GLS: variants seen among roughly 807,000 people sequenced by gnomAD.
GLS encodes glutaminase kidney isoform, mitochondrial.
GLS carries 36 observed loss-of-function variants against 86.7 expected under a neutral mutation model. The observed-to-expected ratio is 0.42, with a 90% CI of 0.32 to 0.55. GLS has a LOEUF of 0.55. Among genes scored for constraint, GLS ranks in the 20% least tolerant of loss-of-function variants. The probability of loss-of-function intolerance (pLI) is 0.17; values close to 1 mark genes in which losing one functional copy is unlikely to be tolerated. For missense variants in GLS, 528 were observed against 833.4 expected (o/e 0.63, Z 4.51); for synonymous variants, 317 against 305.9 (o/e 1.04, Z -0.38).
rs1266334560 is a variant in GLS, at chr2:190,895,031, A to G, written c.387-121A>G. ...GTAAATCAACATTTATTATGACTGT[A>G]GTCTTGAGTATATGAGCTCAGCTGT... On this transcript the variant is annotated intron_variant, in intron 1 of 17. Transcript: ENST00000320717. This position sits in a 1 kb window ranked among gnomAD's most constrained non-coding sequence, Gnocchi z 4.2. 1.3e-5 allele frequency: 7 copies of G among 519,844 alleles called. No homozygotes were observed. The highest frequency in any genetic ancestry group is 2.5e-5 in the Non-Finnish European group (7 of 281,454). 32.2% of individuals were successfully genotyped at this position (519,844 alleles called of 1,614,324 possible). A position where few individuals can be genotyped will look rare whatever the true frequency, so the allele number is the denominator to read the frequency against.
At position 190,953,948 on chromosome 2, in the gene GLS, A is replaced by ATGTGTGTG. The variant is rs1491250812; in HGVS notation, c.1712+323_1712+324insGTGTGTGT. Among the ~76,000 whole-genome samples the ATGTGTGTG allele has an allele frequency of 9.2e-6, 1 of 108,734 alleles. No individual in the cohort carries two copies. Among genetic ancestry groups the ATGTGTGTG allele is most frequent in the African/African-American group, 3.6e-5 (1 of 27,488 alleles). The allele number at this position is 108,734 out of a possible 152,430, so 71.3% of individuals were successfully genotyped here. On this transcript the variant is annotated intron_variant, in intron 15 of 17. Coordinates refer to ENST00000320717, the MANE Select transcript of GLS (RefSeq NM_014905.5). This position sits in a 1 kb window ranked among gnomAD's most constrained non-coding sequence, Gnocchi z 4.0. ...GTCTACCCTCCATTCCCAATCTTTGATATGTGTGTGTGTGTGTGTGTGTGT... is the reference window on the plus strand; with the variant it reads ...GTCTACCCTCCATTCCCAATCTTTGATGTGTGTGTATGTGTGTGTGTGTGTGTGTGTGT...
At chr2:190,906,118 G>A (rs749982026) in intron 6 of GLS, among the ~76,000 whole-genome samples, 17 of 151,876 alleles carry the variant, frequency 1.1e-4, no homozygotes, top group Non-Finnish European at 2.1e-4. Context: ...TGCTACGTTT[G>A]GTTTTATGGA....
chr2:190,895,060 C>A lies in GLS; in HGVS notation c.387-92C>A. On this transcript the variant is annotated intron_variant, in intron 1 of 17. Coordinates refer to ENST00000320717, the MANE Select transcript of GLS (RefSeq NM_014905.5). The surrounding 1 kb of genome is among the most constrained non-coding windows in gnomAD (Gnocchi z 4.2). ...TTGAGTATATGAGCTCAGCTGTAGT[C>A]TAGTTTAGTGGTTATTTAACAATGG... The A allele has an allele frequency of 1.6e-6, 1 of 629,920 alleles. No homozygotes were observed. 39.0% of individuals were successfully genotyped at this position (629,920 alleles called of 1,614,324 possible).
At chr2:190,927,904 G>A (rs576816088) in intron 12 of GLS, among the ~76,000 whole-genome samples, 35 of 152,266 alleles carry the variant, frequency 2.3e-4, no homozygotes, top group African/African-American at 7.7e-4. Context: ...TAACAAAAAT[G>A]TACTGCTTTA....
In GLS at chr2:190,956,630, T is replaced by C. The variant is rs777221987; in HGVS notation, c.1853+1812T>C. Among the ~76,000 whole-genome samples the C allele has an allele frequency of 6.6e-6, 1 of 152,236 alleles. No individual in the cohort carries two copies. The highest frequency in any genetic ancestry group is 6.5e-5 in the Admixed American group (1 of 15,278). The stretch of plus-strand genomic sequence containing the variant: ...GAAATTTAAGGTATTTTTTTTCTAA[T>C]TCTGTGAAGAAAGTCAATGGTAGCT... On this transcript the variant is annotated intron_variant, in intron 17 of 17. Transcript: ENST00000320717. The surrounding 1 kb of genome is among the most constrained non-coding windows in gnomAD (Gnocchi z 4.2).
rs1261202698 is a variant in GLS at position 190,920,811 on chromosome 2, C to T, written c.1039-213C>T. On this transcript the variant is annotated intron_variant, in intron 7 of 17. Transcript: ENST00000320717. The surrounding 1 kb of genome is among the most constrained non-coding windows in gnomAD (Gnocchi z 4.2). ...AAAGATATACTTAAAATAAAGCATT[C>T]CCTTTGTAATTCTAATGCATTCTCA... Among the ~76,000 whole-genome samples, 2 of 151,368 alleles carry T rather than the reference C, an allele frequency of 1.3e-5. No homozygotes were observed. Among genetic ancestry groups the T allele is most frequent in the African/African-American group, 4.8e-5 (2 of 41,274 alleles).
chr2:190,934,086 C>T (rs983455197), intron 14 of GLS: 29 of 975,568 alleles, frequency 3.0e-5, no homozygotes, highest in Admixed American at 6.2e-5. Context: ...CCATATACTT[C>T]TCTGGTTTTC....
intron 1 of GLS, among the ~76,000 whole-genome samples, chr2:190,890,675 A>G (rs1688530271): frequency 6.6e-6 from 1 of 152,212 alleles, no homozygotes; most frequent in Non-Finnish European, 1.5e-5. Flanking sequence ...CAGTCAGCTC[A>G]CTATAAATTC....
At chr2:190,887,854 A>G (rs1030266565) in intron 1 of GLS, among the ~76,000 whole-genome samples, 1 of 152,192 alleles carries the variant, frequency 6.6e-6, no homozygotes, top group African/African-American at 2.4e-5. Flanking sequence ...TTATTTAGTC[A>G]TTTAAAATGT....
chr2:190,895,030 T>C lies in GLS; in HGVS notation c.387-122T>C, dbSNP rs1409618025. On this transcript the variant is annotated intron_variant, in intron 1 of 17. Coordinates refer to ENST00000320717, the MANE Select transcript of GLS (RefSeq NM_014905.5). This position sits in a 1 kb window ranked among gnomAD's most constrained non-coding sequence, Gnocchi z 4.2. ...GGTAAATCAACATTTATTATGACTG[T>C]AGTCTTGAGTATATGAGCTCAGCTG... 1 of 516,820 alleles carries C rather than the reference T, an allele frequency of 1.9e-6. No homozygotes were observed. The allele number at this position is 516,820 out of a possible 1,614,324, so 32.0% of individuals were successfully genotyped here.
chr2:190,956,646 A>C lies in GLS; in HGVS notation c.1853+1828A>C, dbSNP rs184676141. Among the ~76,000 whole-genome samples the C allele has an allele frequency of 6.6e-6, 1 of 152,292 alleles. No homozygotes were observed. The highest frequency in any genetic ancestry group is 2.4e-5 in the African/African-American group (1 of 41,550). ...TTTTTCTAATTCTGTGAAGAAAGTC[A>C]ATGGTAGCTTTATGGGGATAGCATA... On this transcript the variant is annotated intron_variant, in intron 17 of 17. Transcript: ENST00000320717. The surrounding 1 kb of genome is among the most constrained non-coding windows in gnomAD (Gnocchi z 4.2).
In GLS at chr2:190,921,412, T is replaced by C. The variant is rs1192279169; in HGVS notation, c.1130+209T>C. Among the ~76,000 whole-genome samples the C allele has an allele frequency of 6.6e-6, 1 of 151,970 alleles. No homozygotes were observed. The highest frequency in any genetic ancestry group is 1.5e-5 in the Non-Finnish European group (1 of 67,842). ...GTTTATCTCAAATTACTGGTGCTTA[T>C]TCAGTTTTATCTTTGCTTGTAATAC... On this transcript the variant is annotated intron_variant, in intron 9 of 17. Coordinates refer to ENST00000320717, the MANE Select transcript of GLS (RefSeq NM_014905.5). This position sits in a 1 kb window ranked among gnomAD's most constrained non-coding sequence, Gnocchi z 4.2.
At position 190,930,448 on chromosome 2, in the gene GLS, T is replaced by C. The variant is rs768762438; in HGVS notation, c.1437T>C (p.Pro479=). 5.6e-6 allele frequency: 9 copies of C among 1,608,416 alleles called. No individual in the cohort carries two copies. Among genetic ancestry groups the C allele is most frequent in the Non-Finnish European group, 6.8e-6 (8 of 1,175,096 alleles). ...SGQFAFHVGL[P]AKSGVAGGIL... ...TGAATTATTTTTAGGTTGGTCTTCCTGCAAAATCTGGAGTTGCTGGGGGCA... is the reference window on the plus strand; with the variant it reads ...TGAATTATTTTTAGGTTGGTCTTCCCGCAAAATCTGGAGTTGCTGGGGGCA... Residue 479 remains proline (P), a synonymous_variant, in exon 13 of 18, where the codon CCT becomes CCC. Transcript: ENST00000320717. The surrounding 1 kb of genome is among the most constrained non-coding windows in gnomAD (Gnocchi z 5.0).
At chr2:190,941,461 A>G (rs1690426910) in intron 14 of GLS, among the ~76,000 whole-genome samples, 1 of 152,184 alleles carries the variant, frequency 6.6e-6, no homozygotes, top group Non-Finnish European at 1.5e-5. Flanking sequence ...GGATGCAGAG[A>G]GCATGGTTAG....
intron 1 of GLS, among the ~76,000 whole-genome samples, chr2:190,890,800 ATT>A (rs1171858532): frequency 1.3e-5 from 2 of 151,854 alleles, no homozygotes; most frequent in Admixed American, 1.3e-4. Flanking sequence ...ATTAGGCCTC[ATT>A]TTTTTTAATC....
At chr2:190,908,341 C>T (rs1054204296) in intron 6 of GLS, among the ~76,000 whole-genome samples, 1 of 152,046 alleles carries the variant, frequency 6.6e-6, no homozygotes, top group Non-Finnish European at 1.5e-5. Context: ...TGAACAAAAC[C>T]CTTGTAAGGT....
chr2:190,886,605 A>C (rs1688386613), intron 1 of GLS, among the ~76,000 whole-genome samples: 1 of 152,184 alleles, frequency 6.6e-6, no homozygotes, highest in South Asian at 2.1e-4. Flanking sequence ...GGTTTCTTTG[A>C]GTTTTAAAAA....
rs1690077969 is a variant in GLS, at chr2:190,930,617, C to T, written c.1557+49C>T. 1 of 1,541,730 alleles carries T rather than the reference C, an allele frequency of 6.5e-7. No individual in the cohort carries two copies. The highest frequency in any genetic ancestry group is 8.8e-7 in the Non-Finnish European group (1 of 1,132,684). On this transcript the variant is annotated intron_variant, in intron 13 of 17. Coordinates refer to ENST00000320717, the MANE Select transcript of GLS (RefSeq NM_014905.5). The surrounding 1 kb of genome is among the most constrained non-coding windows in gnomAD (Gnocchi z 5.0). ...ATAATGGTGTTACAAGTTGAGCCAT[C>T]CAATGATTCTTTTTTTTAACCCATT... is the stretch of plus-strand genomic sequence containing the variant.
chr2:190,904,754 T>C (rs1689074659), intron 5 of GLS, among the ~76,000 whole-genome samples: 1 of 152,180 alleles, frequency 6.6e-6, no homozygotes, highest in Non-Finnish European at 1.5e-5. Context: ...ATGCAAATGC[T>C]ATATCATTGT....
Sources: allele counts gnomAD v4.1 joint callset (sites outside exome capture counted in the v4.1 genomes callset), GRCh38; gene constraint gnomAD v4.1.1; non-coding constraint Gnocchi (gnomAD v3.1); transcripts MANE v1.5; gene names NCBI Gene and HGNC (gene_info 2026-07-23, HGNC 2026-07-21).